The following MTMR7 variants were observed in gnomAD, a reference collection of about 807,000 sequenced individuals.
MTMR7 encodes phosphatidylinositol-3-phosphate phosphatase MTMR7.
Under a neutral mutation model 81.2 loss-of-function variants are expected in MTMR7, and 76 were observed. The ratio of observed to expected loss-of-function variants is 0.94; its 90% confidence interval spans 0.78 to 1.13. The LOEUF is 1.13. MTMR7 is among the 50% of genes most tolerant of loss of function. The pLI, the probability that MTMR7 is intolerant of heterozygous loss-of-function variation, is 0.00. For synonymous variants in MTMR7, 372 were observed against 289.8 expected, an observed-to-expected ratio of 1.28 and a Z score of -2.88; for missense variants, 1,044 against 820.0, an observed-to-expected ratio of 1.27 and a Z score of -3.34.
chr8:17,369,146 G>T (rs1820328662), intron 3 of MTMR7, among the ~76,000 whole-genome samples: 1 of 152,178 alleles, frequency 6.6e-6, no homozygotes, highest in South Asian at 2.1e-4. Flanking sequence ...CAGTGACACA[G>T]AAACTGTTAG....
At chr8:17,305,715 C>T in intron 11 of MTMR7, 42 bp downstream of exon 11, 3 of 1,527,752 alleles carry the variant, frequency 2.0e-6, no homozygotes, top group Non-Finnish European at 2.7e-6. Context: ...TCATCAAAAT[C>T]TTTAAATAAA....
At chr8:17,371,990 A>G (rs905814357) in intron 2 of MTMR7, among the ~76,000 whole-genome samples, 19 of 151,334 alleles carry the variant, frequency 1.3e-4, no homozygotes, top group African/African-American at 4.6e-4. Context: ...TCTTTTGGAA[A>G]CTTTGTGCCC....
At chr8:17,356,527 C>T (rs1819894401) in intron 4 of MTMR7, among the ~76,000 whole-genome samples, 1 of 151,866 alleles carries the variant, frequency 6.6e-6, no homozygotes, top group South Asian at 2.1e-4. Flanking sequence ...GGTGAAATAC[C>T]ATCTCTACTA....
intron 4 of MTMR7, among the ~76,000 whole-genome samples, chr8:17,358,591 A>G (rs1339064626): frequency 6.6e-6 from 1 of 152,228 alleles, no homozygotes; most frequent in African/African-American, 2.4e-5. Flanking sequence ...ATACTTATTA[A>G]AAATAGAATA....
intron 1 of MTMR7, among the ~76,000 whole-genome samples, chr8:17,390,080 A>C (rs1157248176): frequency 7.3e-6 from 1 of 137,768 alleles, no homozygotes; most frequent in African/African-American, 2.5e-5. Flanking sequence ...TGTTAAAAAA[A>C]AAAAAAAAGA....
chr8:17,380,980 G>A (rs923179908), intron 1 of MTMR7, among the ~76,000 whole-genome samples: 4 of 152,164 alleles, frequency 2.6e-5, no homozygotes, highest in East Asian at 1.9e-4. Context: ...AGCAGACTTC[G>A]GGTATTCTCA....
intron 1 of MTMR7, among the ~76,000 whole-genome samples, chr8:17,407,044 T>C (rs1266655956): frequency 1.3e-5 from 2 of 152,100 alleles, no homozygotes; most frequent in African/African-American, 2.4e-5. Flanking sequence ...ATGATGATGG[T>C]GGTACAACTC....
intron 3 of MTMR7, among the ~76,000 whole-genome samples, chr8:17,364,064 C>CTGT (rs1364191995): frequency 8.7e-6 from 1 of 115,458 alleles, no homozygotes; most frequent in Non-Finnish European, 1.6e-5. Flanking sequence ...GAGTCTCGCT[C>CTGT]TGTCGCCCAG....
chr8:17,368,367 T>C (rs970404192), intron 3 of MTMR7, among the ~76,000 whole-genome samples: 1 of 152,166 alleles, frequency 6.6e-6, no homozygotes, highest in African/African-American at 2.4e-5. Flanking sequence ...GTTAGCTGGG[T>C]GTCCATAAAT....
At chr8:17,329,177 C>A (rs1018094038) in intron 7 of MTMR7, among the ~76,000 whole-genome samples, 1 of 151,968 alleles carries the variant, frequency 6.6e-6, no homozygotes, top group Admixed American at 6.6e-5. Flanking sequence ...GTAGTATGAG[C>A]CTTCATATCT....
intron 1 of MTMR7, among the ~76,000 whole-genome samples, chr8:17,408,496 G>C (rs1480185193): frequency 1.3e-5 from 2 of 151,920 alleles, no homozygotes; most frequent in African/African-American, 4.8e-5. Context: ...ACGTGATGAA[G>C]GACAAACTTA....
Position 17,371,207 on chromosome 8 carries a change from CA to C in MTMR7, c.148-9del, listed in dbSNP as rs2150565065. On this transcript the variant is annotated splice_polypyrimidine_tract_variant and intron_variant, in intron 2 of 13. Transcript: ENST00000180173. ...AATCTGACTGTGAAGAATCTAGAAC[CA>C]AATGTTAATGTGCATAAGCTAAGCA... is the stretch of plus-strand genomic sequence containing the variant. The C allele has an allele frequency of 1.9e-6, 3 of 1,613,434 alleles. No homozygotes were observed. Among genetic ancestry groups the C allele is most frequent in the Non-Finnish European group, 2.5e-6 (3 of 1,179,656 alleles).
At chr8:17,385,963 G>C (rs535254257) in intron 1 of MTMR7, among the ~76,000 whole-genome samples, 2 of 152,290 alleles carry the variant, frequency 1.3e-5, no homozygotes, top group African/African-American at 4.8e-5. Context: ...AGCTACTTGT[G>C]AAAGAACCTT....
chr8:17,387,424 A>C (rs1820977577), intron 1 of MTMR7, among the ~76,000 whole-genome samples: 1 of 152,226 alleles, frequency 6.6e-6, no homozygotes, highest in Admixed American at 6.5e-5. Context: ...TACTGGTAGA[A>C]AAATTCACCC....
intron 1 of MTMR7, among the ~76,000 whole-genome samples, chr8:17,386,747 C>T (rs973332003): frequency 3.9e-5 from 6 of 152,226 alleles, no homozygotes; most frequent in African/African-American, 1.4e-4. Context: ...CACTGCATCT[C>T]ACTTGGTCAC....
chr8:17,299,856 G>GAA lies in MTMR7; in HGVS notation c.*4_*5dup. On this transcript the variant is annotated 3_prime_UTR_variant, in exon 14 of 14. Transcript: ENST00000180173. ...GTCCTTTACTTTGGAACTCCAAAGGGAAACTTCAGGCAGTGAGAAACACGG... is the reference window on the plus strand; with the variant it reads ...GTCCTTTACTTTGGAACTCCAAAGGGAAAAACTTCAGGCAGTGAGAAACACGG... 6.2e-7 allele frequency: 1 copy of GAA among 1,613,458 alleles called. No homozygotes were observed. Among genetic ancestry groups the GAA allele is most frequent in the South Asian group, 1.1e-5 (1 of 91,050 alleles).
intron 10 of MTMR7, among the ~76,000 whole-genome samples, chr8:17,306,883 T>G (rs978550826): frequency 2.0e-5 from 3 of 151,690 alleles, no homozygotes; most frequent in African/African-American, 4.9e-5. Context: ...ATACAAAAAT[T>G]AATTCAAGAT....
rs1817144610 is a variant in MTMR7 at position 17,301,932 on chromosome 8, T to C, written c.1620+222A>G. Reference sequence around the variant, plus strand: ...CCTAAAATAAGGAACAACCAAAAATTTGTGGAACTGAGCCACAAACCAGAT... The same window carrying C: ...CCTAAAATAAGGAACAACCAAAAATCTGTGGAACTGAGCCACAAACCAGAT... On this transcript the variant is annotated intron_variant, in intron 13 of 13. Transcript: ENST00000180173. The C allele has an allele frequency of 2.2e-5, 10 of 456,048 alleles. No individual in the cohort carries two copies. The East Asian group carries it at 3.4e-4, about 16-fold the overall frequency. 28.3% of individuals were successfully genotyped at this position (456,048 alleles called of 1,614,324 possible).
rs529787430 is a variant in MTMR7 at position 17,329,373 on chromosome 8, G to A, written c.865+1777C>T. On this transcript the variant is annotated intron_variant, in intron 7 of 13. Transcript: ENST00000180173. ...GATATCCTAGCCTACTGCACTGCACGTAGCTGGAAAAGTTACGTGCAAGCA... is the reference window on the plus strand; with the variant it reads ...GATATCCTAGCCTACTGCACTGCACATAGCTGGAAAAGTTACGTGCAAGCA... 3.3e-5 allele frequency among the ~76,000 whole-genome samples: 5 copies of A among 152,306 alleles called. No homozygotes were observed. The South Asian group carries it at 6.2e-4, about 19-fold the overall frequency.
Sources: gnomAD v4.1 joint callset for allele counts (sites outside exome capture counted in the v4.1 genomes callset) on GRCh38, gnomAD v4.1.1 for gene constraint, MANE v1.5 for transcripts, NCBI Gene and HGNC (gene_info 2026-07-23, HGNC 2026-07-21) for gene names.